The following CCDC180 variants were observed in gnomAD, a reference collection of about 807,000 sequenced individuals.
CCDC180 encodes the protein coiled-coil domain containing 180, also known as coiled-coil domain-containing protein 180.
A neutral mutation model predicts 209.2 loss-of-function variants in CCDC180; 154 were observed. That is an observed-to-expected ratio of 0.74 (90% CI 0.65 to 0.84). CCDC180 has a LOEUF of 0.84. Among genes scored for constraint, CCDC180 ranks in the 40% least tolerant of loss-of-function variants. CCDC180 has a pLI of 0.00. For synonymous variants in CCDC180, 778 were observed against 749.1 expected (o/e 1.04, Z -0.63); for missense variants, 1,874 against 1,997.3 (o/e 0.94, Z 1.18).
chr9:97,343,287 TC>T (rs1448706095), intron 18 of CCDC180, 52 bp from the exon 19 acceptor site: 2 of 1,244,122 alleles, frequency 1.6e-6, no homozygotes, highest in African/African-American at 3.0e-5. Context: ...TGGTTGGCAT[TC>T]CCAAGTCCAT....
At position 97,323,908 on chromosome 9, in the gene CCDC180, G is replaced by A. The variant is rs377250209; in HGVS notation, c.1371+5G>A. 129 of 1,552,778 alleles carry A rather than the reference G, an allele frequency of 8.3e-5. No individual in the cohort carries two copies. Among genetic ancestry groups the A allele is most frequent in the South Asian group, 7.1e-4 (60 of 84,120 alleles). On this transcript the variant is annotated splice_donor_5th_base_variant and intron_variant, in intron 13 of 36. Transcript: ENST00000529487. ...GAGGACCTGGAGCTCTTGGACGTGC[G>A]TGCTGGGGACTGTTCCACTGGGGAG...
chr9:97,369,874 G>T, intron 31 of CCDC180, 48 bp from the exon 32 acceptor site: 2 of 1,605,058 alleles, frequency 1.2e-6, no homozygotes, highest in South Asian at 1.1e-5. Context: ...TCTGCAAGTT[G>T]ATTCTAATCT....
rs182529751 is a variant in CCDC180, at chr9:97,322,733, T to C, written c.1160-100T>C. 195 of 962,922 alleles carry C rather than the reference T, an allele frequency of 2.0e-4. 1 individual carries two copies. The East Asian group carries it at 4.6e-3, about 23-fold the overall frequency. The allele number at this position is 962,922 out of a possible 1,614,324, so 59.6% of individuals were successfully genotyped here. A position where few individuals can be genotyped will look rare whatever the true frequency, so the allele number is the denominator to read the frequency against. On this transcript the variant is annotated intron_variant, in intron 11 of 36. Transcript: ENST00000529487. ...GACCACTGATCTTCACCTAAATAAA[T>C]GTTGCTGTGGAGGCATTTTGCTCCT... is the stretch of plus-strand genomic sequence containing the variant.
At chr9:97,358,383 A>G (rs1407690280) in intron 25 of CCDC180, among the ~76,000 whole-genome samples, 1 of 152,004 alleles carries the variant, frequency 6.6e-6, no homozygotes, top group African/African-American at 2.4e-5. Flanking sequence ...CAGCCTCCCA[A>G]AGTGCTGGGA....
At chr9:97,360,691 C>G (rs1826725764) in intron 26 of CCDC180, among the ~76,000 whole-genome samples, 1 of 152,156 alleles carries the variant, frequency 6.6e-6, no homozygotes. Context: ...CACTCCCCAC[C>G]AAGCCTCCTC....
chr9:97,371,974 G>T (rs576012449), intron 34 of CCDC180: 4 of 264,030 alleles, frequency 1.5e-5, no homozygotes, highest in Non-Finnish European at 2.9e-5. Flanking sequence ...TATGACAGGA[G>T]AGCTAGAAGC....
intron 2 of CCDC180, 85 bp from the exon 3 acceptor site, chr9:97,309,327 CTT>C (rs1832902195): frequency 4.4e-6 from 6 of 1,370,302 alleles, no homozygotes. Flanking sequence ...CTCTGGATGT[CTT>C]TCTAGACAGC....
rs1827104805 is a variant in CCDC180, at chr9:97,371,679, G to A, written c.4573G>A (p.Val1525Ile). 1.2e-6 allele frequency: 2 copies of A among 1,605,558 alleles called. No homozygotes were observed. Among genetic ancestry groups the A allele is most frequent in the Non-Finnish European group, 1.7e-6 (2 of 1,173,224 alleles). ...GTTCCTACTGCAGTTGGATGAGGTG[G>A]TCACCATTGACGATGTCCAGGTTGC... ...EKFLLQLDEVVTIDDVQVARM... is the reference protein window; with the variant it reads ...EKFLLQLDEVITIDDVQVARM... Residue 1525 changes from valine (V) to isoleucine (I), a missense_variant, in exon 34 of 37, where the codon GTC becomes ATC. Val to Ile is a conservative substitution (Grantham distance 29, BLOSUM62 3). Transcript: ENST00000529487.
rs112001128 is a variant in CCDC180, at chr9:97,307,824, G to C, written c.-82+18G>C. ...CATCTGAGGTTAGTTTCATCGTTTC[G>C]TTGAAAGTTAAAACCCTAAGTCGAC... On this transcript the variant is annotated intron_variant, in intron 1 of 36. Transcript: ENST00000529487. The C allele has an allele frequency of 1.5e-3, 2,463 of 1,613,990 alleles. 29 individuals carry two copies. In the African/African-American group the frequency reaches 0.029, roughly 19 times the overall value.
intron 21 of CCDC180, 66 bp downstream of exon 21, chr9:97,349,357 T>C: frequency 1.4e-6 from 2 of 1,389,614 alleles, no homozygotes; most frequent in African/African-American, 1.4e-5. Flanking sequence ...GCTGCTGCTT[T>C]CAAAGGAGCC....
At chr9:97,312,070 G>T in intron 3 of CCDC180, 43 bp from the exon 4 acceptor site, 2 of 1,561,686 alleles carry the variant, frequency 1.3e-6, no homozygotes, top group Non-Finnish European at 1.8e-6. Context: ...GCCATGGATG[G>T]CATCAGGAGC....
chr9:97,375,499 G>T lies in CCDC180; in HGVS notation c.4752G>T (p.Lys1584Asn). The T allele has an allele frequency of 6.2e-7, 1 of 1,614,194 alleles. No homozygotes were observed. The highest frequency in any genetic ancestry group is 8.5e-7 in the Non-Finnish European group (1 of 1,180,032). ...IKPTEVTIQNKILLQPTSSIS... is the reference protein window; with the variant it reads ...IKPTEVTIQNNILLQPTSSIS... ...CCACCGAAGTCACCATCCAAAACAA[G>T]ATTCTTCTCCAGCCAACATCATCGA... Residue 1584 changes from lysine (K) to asparagine (N), a missense_variant, in exon 36 of 37, where the codon AAG (lysine) becomes AAT (asparagine). By Grantham distance (94) the Lys-to-Asn change is moderately conservative. Transcript: ENST00000529487.
chr9:97,322,054 C>T (rs1041136005), intron 11 of CCDC180, among the ~76,000 whole-genome samples: 12 of 152,058 alleles, frequency 7.9e-5, no homozygotes, highest in East Asian at 5.8e-4. Flanking sequence ...TGTCAGGGGG[C>T]GCAAATGGCC....
chr9:97,339,397 T>C (rs1438684409), intron 18 of CCDC180, among the ~76,000 whole-genome samples: 1 of 152,222 alleles, frequency 6.6e-6, no homozygotes, highest in Non-Finnish European at 1.5e-5. Flanking sequence ...TAAAGGATTT[T>C]ATTTCTCCTT....
intron 11 of CCDC180, 113 bp downstream of exon 11, chr9:97,320,318 G>A: frequency 2.0e-6 from 2 of 1,001,620 alleles, no homozygotes; most frequent in Admixed American, 1.8e-5. Flanking sequence ...GAGGGATGGG[G>A]GTGTGGCAGG....
intron 36 of CCDC180, chr9:97,376,562 C>G (rs1211493080): frequency 3.9e-6 from 2 of 515,296 alleles, no homozygotes; most frequent in Non-Finnish European, 6.9e-6. Flanking sequence ...AGGCCAGGCT[C>G]TGAGCCTCAG....
At chr9:97,346,292 T>A (rs946572862) in intron 19 of CCDC180, among the ~76,000 whole-genome samples, 3 of 152,214 alleles carry the variant, frequency 2.0e-5, no homozygotes, top group Non-Finnish European at 4.4e-5. Context: ...GCTCTTTGTA[T>A]TTCTACATAA....
chr9:97,344,356 T>A (rs1826184949), intron 19 of CCDC180, among the ~76,000 whole-genome samples: 1 of 152,146 alleles, frequency 6.6e-6, no homozygotes, highest in Admixed American at 6.6e-5. Context: ...GGGCTCTTTC[T>A]CCTACACCTG....
intron 18 of CCDC180, among the ~76,000 whole-genome samples, chr9:97,337,994 T>C (rs1477053346): frequency 6.6e-6 from 1 of 152,224 alleles, no homozygotes; most frequent in African/African-American, 2.4e-5. Flanking sequence ...TGTATTTCTG[T>C]GGGATAGGTG....
Sources: gnomAD v4.1 joint callset for allele counts (sites outside exome capture counted in the v4.1 genomes callset) on GRCh38, gnomAD v4.1.1 for gene constraint, MANE v1.5 for transcripts, NCBI Gene and HGNC (gene_info 2026-07-23, HGNC 2026-07-21) for gene names.